LINGO1: variants seen among roughly 807,000 people sequenced by gnomAD.
The protein encoded by LINGO1 is leucine rich repeat and Ig domain containing 1, also known as leucine-rich repeat and immunoglobulin-like domain-containing nogo receptor-interacting protein 1.
LINGO1 carries 11 observed loss-of-function variants against 37.3 expected under a neutral mutation model. The ratio of observed to expected loss-of-function variants is 0.29; its 90% CI spans 0.19 to 0.49. LINGO1 has a LOEUF of 0.49. Ranked by LOEUF, LINGO1 falls within the 20% of genes least tolerant of loss-of-function variation. The probability of loss-of-function intolerance (pLI) is 0.99; values close to 1 mark genes in which losing one functional copy is unlikely to be tolerated. For missense variants in LINGO1, 585 were observed against 878.2 expected (o/e 0.67, Z 4.22); for synonymous variants, 387 against 403.0 (o/e 0.96, Z 0.48).
chr15:77,769,776 C>T (rs79273196), intron 1 of LINGO1, among the ~76,000 whole-genome samples: 3,048 of 152,188 alleles, frequency 0.02, 105 homozygotes, highest in African/African-American at 0.07. Context: ...GAAAAGGAGA[C>T]GGGGAGGGAG....
chr15:77,636,974 G>A (rs780409466), upstream of LINGO1, among the ~76,000 whole-genome samples: 24 of 152,324 alleles, frequency 1.6e-4, no homozygotes, highest in South Asian at 8.3e-4. Context: ...CTTGGAGGTG[G>A]TCCTGGAGAT....
chr15:77,642,692 C>A (rs926443039), intron 3 of LINGO1, among the ~76,000 whole-genome samples: 1 of 152,216 alleles, frequency 6.6e-6, no homozygotes, highest in African/African-American at 2.4e-5. Context: ...AAGGCTGGGA[C>A]CGGCACTTGG....
At chr15:77,634,586 C>T (rs542785401), upstream of LINGO1, among the ~76,000 whole-genome samples, 2 of 152,342 alleles carry the variant, frequency 1.3e-5, no homozygotes, top group South Asian at 4.1e-4. Context: ...GGGAACTGGA[C>T]TCGTCTTCTA....
chr15:77,770,433 C>G (rs1222656623), intron 1 of LINGO1, among the ~76,000 whole-genome samples: 1 of 151,984 alleles, frequency 6.6e-6, no homozygotes, highest in African/African-American at 2.4e-5. Flanking sequence ...ACTAAAAATA[C>G]AAAATTAGTC....
intron 1 of LINGO1, among the ~76,000 whole-genome samples, chr15:77,621,923 T>C (rs1254863172): frequency 6.6e-6 from 1 of 152,204 alleles, no homozygotes; most frequent in Non-Finnish European, 1.5e-5. Context: ...CACACAGGCA[T>C]GCGATCTGGC....
intron 2 of LINGO1, among the ~76,000 whole-genome samples, chr15:77,726,158 G>A (rs944354293): frequency 6.6e-6 from 1 of 152,190 alleles, no homozygotes; most frequent in Non-Finnish European, 1.5e-5. Flanking sequence ...CCCCAGACCA[G>A]TGTCCAGTGT....
intron 3 of LINGO1, among the ~76,000 whole-genome samples, chr15:77,650,525 A>AGCC (rs1229198990): frequency 6.6e-6 from 1 of 152,180 alleles, no homozygotes; most frequent in Admixed American, 6.5e-5. Context: ...AGTATGAGTC[A>AGCC]GCCCATCAGA....
At chr15:77,787,820 T>G (rs1345761248), upstream of LINGO1, 5 of 152,148 alleles carry the variant, frequency 3.3e-5, no homozygotes, top group African/African-American at 1.2e-4. Flanking sequence ...AAGAATCCTT[T>G]AATTGGGAAG....
At chr15:77,759,128 G>T (rs2076449467) in intron 1 of LINGO1, among the ~76,000 whole-genome samples, 2 of 152,168 alleles carry the variant, frequency 1.3e-5, no homozygotes, top group African/African-American at 4.8e-5. Context: ...ACAGGGGATG[G>T]GCATGTGACC....
At chr15:77,750,216 G>C (rs573564014) in intron 1 of LINGO1, among the ~76,000 whole-genome samples, 1 of 151,958 alleles carries the variant, frequency 6.6e-6, no homozygotes, top group African/African-American at 2.4e-5. Context: ...CCCCAGGGTC[G>C]GGGGACACCT....
chr15:77,659,096 T>C (rs2074930934), intron 3 of LINGO1, among the ~76,000 whole-genome samples: 1 of 152,112 alleles, frequency 6.6e-6, no homozygotes, highest in African/African-American at 2.4e-5. Flanking sequence ...TGGGACTAGA[T>C]CTGAAGCTTC....
chr15:77,729,689 T>C (rs1251385948), intron 2 of LINGO1, among the ~76,000 whole-genome samples: 1 of 152,184 alleles, frequency 6.6e-6, no homozygotes, highest in East Asian at 1.9e-4. Context: ...TGGCTCCCGC[T>C]CCTCCAGGAA....
chr15:77,681,175 A>C (rs137910532), intron 2 of LINGO1, among the ~76,000 whole-genome samples: 1 of 152,050 alleles, frequency 6.6e-6, no homozygotes, highest in East Asian at 1.9e-4. Flanking sequence ...TCTACTTGGG[A>C]GTTAATTTTG....
chr15:77,799,747 C>T (rs2076902307), intron 1 of LINGO1, among the ~76,000 whole-genome samples: 1 of 152,222 alleles, frequency 6.6e-6, no homozygotes, highest in African/African-American at 2.4e-5. Flanking sequence ...AAGTCCCTAT[C>T]TCTGTCAGCA....
intron 1 of LINGO1, among the ~76,000 whole-genome samples, chr15:77,777,459 A>ACAAACG (rs2076670494): frequency 3.1e-5 from 1 of 32,746 alleles, no homozygotes; most frequent in Non-Finnish European, 1.0e-4. Context: ...GGACATATAC[A>ACAAACG]CACACGCACA....
intron 3 of LINGO1, among the ~76,000 whole-genome samples, chr15:77,659,619 G>A (rs908070751): frequency 3.3e-5 from 5 of 152,198 alleles, no homozygotes; most frequent in African/African-American, 9.7e-5. Context: ...TCTGAGTTCA[G>A]AGTCCCTGGG....
At chr15:77,671,874 C>T (rs537197303) in intron 3 of LINGO1, among the ~76,000 whole-genome samples, 10 of 152,342 alleles carry the variant, frequency 6.6e-5, no homozygotes, top group African/African-American at 9.6e-5. Context: ...GGCTGGGTGA[C>T]GGATCTGGTC....
At chr15:77,721,588 T>C (rs1022229436) in intron 2 of LINGO1, among the ~76,000 whole-genome samples, 3 of 152,224 alleles carry the variant, frequency 2.0e-5, no homozygotes, top group South Asian at 2.1e-4. Flanking sequence ...CCCGGTTTGA[T>C]TGACTGTGTT....
chr15:77,800,014 G>A (rs1403251719), intron 1 of LINGO1, among the ~76,000 whole-genome samples: 3 of 152,186 alleles, frequency 2.0e-5, no homozygotes, highest in Admixed American at 6.5e-5. Flanking sequence ...GCAGGACGGG[G>A]AAAGAGCCGC....
Sources: gnomAD v4.1 joint callset for allele counts (sites outside exome capture counted in the v4.1 genomes callset) on GRCh38, gnomAD v4.1.1 for gene constraint, MANE v1.5 for transcripts, NCBI Gene and HGNC (gene_info 2026-07-23, HGNC 2026-07-21) for gene names.